Variants in SLC25A46 observed in about 807,000 individuals in gnomAD.
SLC25A46 encodes mitochondrial outer membrane protein SLC25A46.
Under a neutral mutation model 44.6 loss-of-function variants are expected in SLC25A46, and 39 were observed. That is an observed-to-expected ratio of 0.87 (90% CI 0.68 to 1.14). The LOEUF (loss-of-function observed/expected upper bound fraction) is 1.14. Ranked by LOEUF, SLC25A46 falls within the 50% of genes most tolerant of loss-of-function variation. The pLI, the probability that SLC25A46 is intolerant of heterozygous loss-of-function variation, is 0.00. For synonymous variants in SLC25A46, 202 were observed against 185.8 expected, an observed-to-expected ratio of 1.09 and a Z score of -0.71; for missense variants, 547 against 522.7, an observed-to-expected ratio of 1.05 and a Z score of -0.45.
intron 7 of SLC25A46, among the ~76,000 whole-genome samples, chr5:110,759,527 G>A (rs80332852): frequency 0.012 from 1,889 of 152,212 alleles, 35 homozygotes; most frequent in African/African-American, 0.043. Context: ...ACTCTCAAGT[G>A]GGACTGTGTC....
chr5:110,743,670 T>C, intron 2 of SLC25A46, 60 bp from the exon 3 acceptor site: 3 of 900,044 alleles, frequency 3.3e-6, no homozygotes, highest in Non-Finnish European at 4.9e-6. Flanking sequence ...GAAAGATACC[T>C]GTTGTAAATT....
chr5:110,761,746 A>AATT lies in SLC25A46; in HGVS notation c.1225_1227dup (p.Ile409dup). On this transcript the variant is annotated inframe_insertion, in exon 8 of 8. Transcript: ENST00000355943. This position sits in a 1 kb window ranked among gnomAD's most constrained non-coding sequence, Gnocchi z 5.3. The stretch of plus-strand genomic sequence containing the variant: ...ATGCAGCTGTTTTACAGATTACCAA[A>AATT]ATTATTTACTCTACACTTCTTCAAA... The AATT allele has an allele frequency of 1.2e-6, 2 of 1,612,344 alleles. No homozygotes were observed. Among genetic ancestry groups the AATT allele is most frequent in the Non-Finnish European group, 1.7e-6 (2 of 1,179,300 alleles).
chr5:110,741,535 G>A (rs1054635702), intron 1 of SLC25A46: 6 of 152,400 alleles, frequency 3.9e-5, no homozygotes, highest in Admixed American at 2.6e-4. Context: ...TAGTTTTACA[G>A]CATAAGAGGT....
At position 110,764,589 on chromosome 5, in the gene SLC25A46, A is replaced by C. The variant is rs1242188935; in HGVS notation, c.*2807A>C. The stretch of plus-strand genomic sequence containing the variant: ...GTCTTTTTAGCAGCAGCTTTGTTAA[A>C]ACTGCACAAAGCATTCACTTTATTG... On this transcript the variant is annotated 3_prime_UTR_variant, in exon 8 of 8. Transcript: ENST00000355943. The C allele has an allele frequency of 6.6e-6, 1 of 151,922 alleles. No individual in the cohort carries two copies. The highest frequency in any genetic ancestry group is 2.4e-5 in the African/African-American group (1 of 41,402). The allele number at this position is 151,922 out of a possible 1,614,324, so 9.4% of individuals were successfully genotyped here.
chr5:110,743,254 TTAAATTTATACTTAAACCTTA>T (rs1799735036), intron 2 of SLC25A46, among the ~76,000 whole-genome samples: 1 of 152,080 alleles, frequency 6.6e-6, no homozygotes, highest in African/African-American at 2.4e-5. Context: ...AGATTTATAC[TTAAATTTATACTTAAACCTTA>T]TAATTTAAGT....
intron 3 of SLC25A46, 55 bp from the exon 4 acceptor site, chr5:110,746,212 CTG>C (rs1799814381): frequency 8.4e-6 from 11 of 1,304,228 alleles, no homozygotes; most frequent in Non-Finnish European, 1.1e-5. Flanking sequence ...TTTCATGGCT[CTG>C]TTATTTCTTG....
rs1478158398 is a variant in SLC25A46, at chr5:110,763,010, A to G, written c.*1228A>G. ...TTTTATGGGTGAGGGGAAAAAGTAC[A>G]TTTGTACATTTCAACATATAATAAG... On this transcript the variant is annotated 3_prime_UTR_variant, in exon 8 of 8. Coordinates refer to ENST00000355943, the MANE Select transcript of SLC25A46 (RefSeq NM_138773.4). 2 of 152,072 alleles carry G rather than the reference A, an allele frequency of 1.3e-5. No homozygotes were observed. Among genetic ancestry groups the G allele is most frequent in the East Asian group, 1.9e-4 (1 of 5,160 alleles). The allele number at this position is 152,072 out of a possible 1,614,324, so 9.4% of individuals were successfully genotyped here.
chr5:110,743,315 G>C (rs1256672806), intron 2 of SLC25A46, among the ~76,000 whole-genome samples: 1 of 151,972 alleles, frequency 6.6e-6, no homozygotes, highest in Non-Finnish European at 1.5e-5. Flanking sequence ...TTAGAATGGG[G>C]TTCATGAAGA....
rs1294073481 is a variant in SLC25A46 at position 110,740,918 on chromosome 5, C to T, written c.284-1129C>T. Among the ~76,000 whole-genome samples the T allele has an allele frequency of 5.3e-5, 8 of 152,342 alleles. No individual in the cohort carries two copies. In the East Asian group the frequency reaches 1.5e-3, roughly 29 times the overall value. ...AGTGAGCCGAGATCGCGTCACTGCA[C>T]TCCAGCCTGGGCGACAGAGCGAGAC... is the stretch of plus-strand genomic sequence containing the variant. On this transcript the variant is annotated intron_variant, in intron 1 of 7. Coordinates refer to ENST00000355943, the MANE Select transcript of SLC25A46 (RefSeq NM_138773.4).
Position 110,743,733 on chromosome 5 carries a change from CTT to C in SLC25A46, c.332_333del (p.Phe111TyrfsTer19). ...AGFGIGLASL[F>X]TENVLAHPCI... ...TACATAAATTATTTTTATATAGTCT[CTT>C]TACAGAAAATGTATTGGCACATCCT... On this transcript the variant is annotated frameshift_variant, in exon 3 of 8. Coordinates refer to ENST00000355943, the MANE Select transcript of SLC25A46 (RefSeq NM_138773.4). LOFTEE classifies it high-confidence loss of function. The C allele has an allele frequency of 6.3e-7, 1 of 1,591,380 alleles. No homozygotes were observed. The highest frequency in any genetic ancestry group is 8.6e-7 in the Non-Finnish European group (1 of 1,164,106).
At chr5:110,756,949 T>A in intron 7 of SLC25A46, 190 bp downstream of exon 7, 1 of 398,596 alleles carries the variant, frequency 2.5e-6, no homozygotes, top group East Asian at 3.8e-5. Context: ...AAGTCACACT[T>A]CTAGTTTTAA....
At position 110,743,789 on chromosome 5, in the gene SLC25A46, T is replaced by C; in HGVS notation, c.384+2T>C. 6.2e-7 allele frequency: 1 copy of C among 1,603,784 alleles called. No homozygotes were observed. The highest frequency in any genetic ancestry group is 2.2e-5 in the East Asian group (1 of 44,528). On this transcript the variant is annotated splice_donor_variant, in intron 3 of 7. Transcript: ENST00000355943. LOFTEE classifies it high-confidence loss of function. ...ATTGTTCTACGCCGCCAATGTCAGG[T>C]AAATGTAATTTCTGTGATCTTTTGA...
Position 110,739,053 on chromosome 5 carries a change from C to T in SLC25A46, c.-67C>T, listed in dbSNP as rs1799517754. The T allele has an allele frequency of 6.6e-7, 1 of 1,519,172 alleles. No homozygotes were observed. Among genetic ancestry groups the T allele is most frequent in the Non-Finnish European group, 8.8e-7 (1 of 1,140,202 alleles). The allele number at this position is 1,519,172 out of a possible 1,614,324, so 94.1% of individuals were successfully genotyped here. ...GGCGGCCGACGGGAAGCTGTGTGTGCTTAGGTCGTGGTGGCCCCGGTGGTG... is the reference window on the plus strand; with the variant it reads ...GGCGGCCGACGGGAAGCTGTGTGTGTTTAGGTCGTGGTGGCCCCGGTGGTG... On this transcript the variant is annotated 5_prime_UTR_variant, in exon 1 of 8. Transcript: ENST00000355943.
intron 1 of SLC25A46, among the ~76,000 whole-genome samples, chr5:110,739,864 CCT>C (rs1287774729): frequency 6.6e-6 from 1 of 152,140 alleles, no homozygotes; most frequent in Non-Finnish European, 1.5e-5. Context: ...AACAACTTAA[CCT>C]CTGTGAGCCC....
rs779271140 is a variant in SLC25A46 at position 110,746,296 on chromosome 5, C to G, written c.412C>G (p.Leu138Val). The G allele has an allele frequency of 5.0e-6, 8 of 1,589,288 alleles. No homozygotes were observed. In the African/African-American group the frequency reaches 1.1e-4, roughly 22 times the overall value. ...QVNYHAQHYH[L>V]TPFTVINIMY... ...TAATTACCATGCTCAGCATTACCAT[C>G]TCACTCCATTTACAGTCATCAATAT... Residue 138 changes from leucine to valine, a missense_variant, in exon 4 of 8, where the codon CTC becomes GTC. By Grantham distance (32) the Leu-to-Val change is conservative. Coordinates refer to ENST00000355943, the MANE Select transcript of SLC25A46 (RefSeq NM_138773.4).
intron 6 of SLC25A46, among the ~76,000 whole-genome samples, chr5:110,756,306 G>C (rs555841854): frequency 1.3e-5 from 2 of 151,890 alleles, no homozygotes; most frequent in East Asian, 3.9e-4. Flanking sequence ...CTGCTGGATG[G>C]GAAATCTGGG....
chr5:110,753,864 T>C (rs1800034576), intron 5 of SLC25A46: 1 of 152,166 alleles, frequency 6.6e-6, no homozygotes, highest in African/African-American at 2.4e-5. Flanking sequence ...GGTGTCGTCA[T>C]AAACTGTGGT....
At position 110,763,809 on chromosome 5, in the gene SLC25A46, AAG is replaced by A. The variant is rs1460131986; in HGVS notation, c.*2031_*2032del. The A allele has an allele frequency of 4.6e-5, 7 of 151,830 alleles. No individual in the cohort carries two copies. Among genetic ancestry groups the A allele is most frequent in the Admixed American group, 2.6e-4 (4 of 15,202 alleles). The allele number at this position is 151,830 out of a possible 1,614,324, so 9.4% of individuals were successfully genotyped here. A position where few individuals can be genotyped will look rare whatever the true frequency, so the allele number is the denominator to read the frequency against. On this transcript the variant is annotated 3_prime_UTR_variant, in exon 8 of 8. Coordinates refer to ENST00000355943, the MANE Select transcript of SLC25A46 (RefSeq NM_138773.4). The stretch of plus-strand genomic sequence containing the variant: ...TTGATCTTGTTTTCCTTTTTGGAGA[AAG>A]AGAATACAAATTAACATTAAAATTG...
At chr5:110,744,620 G>A (rs1247581285) in intron 3 of SLC25A46, among the ~76,000 whole-genome samples, 1 of 152,148 alleles carries the variant, frequency 6.6e-6, no homozygotes, top group East Asian at 1.9e-4. Flanking sequence ...GATGCATATA[G>A]ATTTTCCAAA....
Sources: gnomAD v4.1 joint callset for allele counts (sites outside exome capture counted in the v4.1 genomes callset) on GRCh38, gnomAD v4.1.1 for gene constraint, Gnocchi (gnomAD v3.1) non-coding constraint, MANE v1.5 for transcripts, NCBI Gene and HGNC (gene_info 2026-07-23, HGNC 2026-07-21) for gene names.